Variants in LRRC63 observed in about 807,000 individuals in gnomAD.
LRRC63 encodes the protein leucine rich repeat containing 63, also known as leucine-rich repeat-containing protein 63.
Under a neutral mutation model 49.5 loss-of-function variants are expected in LRRC63, and 40 were observed. The observed-to-expected ratio is 0.81, with a 90% CI of 0.63 to 1.05. LRRC63 has a LOEUF of 1.05. Among genes scored for constraint, LRRC63 ranks in the 50% least tolerant of loss-of-function variants. The pLI, the probability that LRRC63 is intolerant of heterozygous loss-of-function variation, is 0.00. For missense variants in LRRC63, 636 were observed against 663.1 expected, an observed-to-expected ratio of 0.96 and a Z score of 0.45; for synonymous variants, 191 against 221.1, an observed-to-expected ratio of 0.86 and a Z score of 1.21.
intron 6 of LRRC63, among the ~76,000 whole-genome samples, chr13:46,248,458 T>C (rs939065358): frequency 1.3e-5 from 2 of 151,898 alleles, no homozygotes; most frequent in East Asian, 1.9e-4. Flanking sequence ...TGAGAAAATA[T>C]ATATCATGCA....
chr13:46,270,900 A>AAAAC (rs1208001404), intron 9 of LRRC63, among the ~76,000 whole-genome samples: 1 of 152,242 alleles, frequency 6.6e-6, no homozygotes, highest in African/African-American at 2.4e-5. Context: ...TTTCTGATTA[A>AAAAC]AAACAAACAA....
intron 9 of LRRC63, chr13:46,270,699 C>G (rs2047746216): frequency 4.6e-6 from 3 of 651,078 alleles, no homozygotes; most frequent in Admixed American, 2.0e-5. Context: ...AGGAGAAGAA[C>G]CAGTATCTGT....
chr13:46,260,329 G>A (rs2047594028), intron 7 of LRRC63, among the ~76,000 whole-genome samples: 5 of 152,204 alleles, frequency 3.3e-5, no homozygotes, highest in Admixed American at 3.3e-4. Context: ...ATGATAAGAA[G>A]TCAGAGATGA....
At chr13:46,272,203 T>G (rs1396141517) in intron 9 of LRRC63, among the ~76,000 whole-genome samples, 2 of 152,200 alleles carry the variant, frequency 1.3e-5, no homozygotes, top group Non-Finnish European at 2.9e-5. Flanking sequence ...TTACGGGATT[T>G]TTCACTTATT....
chr13:46,255,645 A>AAAAAAAAAAAAAAAAAAAAAAT (rs1555328641), intron 7 of LRRC63, among the ~76,000 whole-genome samples: 3 of 129,466 alleles, frequency 2.3e-5, no homozygotes, highest in African/African-American at 8.7e-5. Context: ...CCCTGCCTCA[A>AAAAAAAAAAAAAAAAAAAAAAT]ATATATATAT....
intron 5 of LRRC63, 47 bp downstream of exon 5, chr13:46,234,396 A>G (rs1469430894): frequency 1.3e-6 from 2 of 1,512,220 alleles, no homozygotes; most frequent in Non-Finnish European, 1.8e-6. Flanking sequence ...ATTATCAATT[A>G]TTTTTGCTTT....
chr13:46,214,650 A>C (rs1270084560), intron 2 of LRRC63, among the ~76,000 whole-genome samples: 1 of 144,424 alleles, frequency 6.9e-6, no homozygotes, highest in African/African-American at 2.5e-5. Context: ...ATTTCTTCTA[A>C]AAAAAAAAAA....
At chr13:46,216,111 G>C (rs1201790022) in intron 2 of LRRC63, among the ~76,000 whole-genome samples, 3 of 152,244 alleles carry the variant, frequency 2.0e-5, no homozygotes, top group East Asian at 3.9e-4. Flanking sequence ...CTCTTTTTTG[G>C]TTCCATATGA....
intron 6 of LRRC63, among the ~76,000 whole-genome samples, chr13:46,246,967 A>C (rs75539410): frequency 0.057 from 8,659 of 152,238 alleles, 789 homozygotes; most frequent in African/African-American, 0.2. Flanking sequence ...CAAAGTAAAC[A>C]TGCAGTGTTG....
At chr13:46,253,004 AGTGTGGAGGATGGAT>A (rs1287827761) in intron 7 of LRRC63, among the ~76,000 whole-genome samples, 1 of 152,040 alleles carries the variant, frequency 6.6e-6, no homozygotes, top group African/African-American at 2.4e-5. Flanking sequence ...TTCTAGTGGC[AGTGTGGAGGATGGAT>A]GTGAGGGGAT....
intron 7 of LRRC63, among the ~76,000 whole-genome samples, chr13:46,254,839 C>T (rs917516218): frequency 2.6e-5 from 4 of 152,112 alleles, no homozygotes; most frequent in African/African-American, 9.7e-5. Flanking sequence ...CTCAGTCATT[C>T]ATGTGTAAGA....
At chr13:46,214,926 T>A (rs1436756333) in intron 2 of LRRC63, among the ~76,000 whole-genome samples, 1 of 152,198 alleles carries the variant, frequency 6.6e-6, no homozygotes, top group Non-Finnish European at 1.5e-5. Context: ...TCCATGTCCC[T>A]GCAAAGGACA....
chr13:46,242,208 T>G (rs901464960), intron 5 of LRRC63, among the ~76,000 whole-genome samples: 1 of 152,146 alleles, frequency 6.6e-6, no homozygotes. Context: ...GCAAACTAAC[T>G]CAGGGACAGA....
At chr13:46,272,944 G>C (rs1023542082) in intron 9 of LRRC63, among the ~76,000 whole-genome samples, 16 of 152,302 alleles carry the variant, frequency 1.1e-4, no homozygotes, top group African/African-American at 3.6e-4. Flanking sequence ...CAAGGGAAGA[G>C]CTTTAGTTAT....
At chr13:46,230,723 C>T (rs1408108590) in intron 4 of LRRC63, among the ~76,000 whole-genome samples, 1 of 152,190 alleles carries the variant, frequency 6.6e-6, no homozygotes, top group Non-Finnish European at 1.5e-5. Flanking sequence ...GCTGGAATCC[C>T]TCTCCCAAAG....
intron 9 of LRRC63, among the ~76,000 whole-genome samples, chr13:46,271,809 G>T (rs906370134): frequency 2.7e-5 from 4 of 150,856 alleles, no homozygotes; most frequent in Non-Finnish European, 4.4e-5. Flanking sequence ...TATAAAACTT[G>T]TCATTTTTCT....
At chr13:46,266,217 T>C (rs2047682403) in intron 8 of LRRC63, among the ~76,000 whole-genome samples, 1 of 152,198 alleles carries the variant, frequency 6.6e-6, no homozygotes, top group South Asian at 2.1e-4. Flanking sequence ...GTAATGTTGG[T>C]TCTCTTTGAA....
intron 5 of LRRC63, among the ~76,000 whole-genome samples, chr13:46,239,060 C>G (rs1037084372): frequency 6.6e-6 from 1 of 152,112 alleles, no homozygotes; most frequent in African/African-American, 2.4e-5. Context: ...AGTAACCTAA[C>G]ATCAAAACCA....
intron 2 of LRRC63, among the ~76,000 whole-genome samples, chr13:46,216,399 TATG>T (rs886393676): frequency 6.6e-6 from 1 of 152,186 alleles, no homozygotes; most frequent in African/African-American, 2.4e-5. Flanking sequence ...GGAGTTCACT[TATG>T]ATGTGGCTCT....
Sources: allele counts gnomAD v4.1 joint callset (sites outside exome capture counted in the v4.1 genomes callset), GRCh38; gene constraint gnomAD v4.1.1; transcripts MANE v1.5; gene names NCBI Gene and HGNC (gene_info 2026-07-23, HGNC 2026-07-21).